AP1G1: variants seen among roughly 807,000 people sequenced by gnomAD.
The protein encoded by AP1G1 is AP-1 complex subunit gamma-1.
A neutral mutation model predicts 108.3 loss-of-function variants in AP1G1; 7 were observed. The observed-to-expected ratio is 0.06, with a 90% CI of 0.04 to 0.12. The LOEUF is 0.12. Among genes scored for constraint, AP1G1 ranks in the 10% least tolerant of loss-of-function variants. AP1G1 has a pLI of 1.00. For missense variants in AP1G1, 756 were observed against 1,010.7 expected (o/e 0.75, Z 3.42); for synonymous variants, 379 against 353.5 (o/e 1.07, Z -0.81).
intron 21 of AP1G1, among the ~76,000 whole-genome samples, chr16:71,738,367 T>C (rs982982754): frequency 5.3e-5 from 8 of 152,084 alleles, no homozygotes; most frequent in African/African-American, 1.9e-4. Flanking sequence ...CCTCAAGATT[T>C]TTCACTATTC....
chr16:71,800,010 C>T (rs2032729196), intron 1 of AP1G1, among the ~76,000 whole-genome samples: 1 of 150,840 alleles, frequency 6.6e-6, no homozygotes, highest in Admixed American at 6.6e-5. Context: ...TGCTCAAGCC[C>T]AGGAGTTCGA....
At chr16:71,754,206 A>G (rs1448628186) in intron 12 of AP1G1, among the ~76,000 whole-genome samples, 1 of 151,830 alleles carries the variant, frequency 6.6e-6, no homozygotes, top group African/African-American at 2.4e-5. Context: ...GAGAAAAGAA[A>G]GAGAAGAAAC....
rs2045462338 is a variant in AP1G1 at position 71,729,922 on chromosome 16, C to G, written c.*3136G>C. 6.6e-6 allele frequency: 1 copy of G among 152,502 alleles called. No individual in the cohort carries two copies. The highest frequency in any genetic ancestry group is 1.5e-5 in the Non-Finnish European group (1 of 68,026). 9.4% of individuals were successfully genotyped at this position (152,502 alleles called of 1,614,324 possible). A position where few individuals can be genotyped will look rare whatever the true frequency, so the allele number is the denominator to read the frequency against. ...AATGCAGAAGATAATGAAGTTGAAC[C>G]TTGAAAGCAGTACTCCCTAACTTCC... On this transcript the variant is annotated 3_prime_UTR_variant, in exon 23 of 23. Transcript: ENST00000299980.
chr16:71,795,070 C>G (rs571312196), intron 1 of AP1G1, among the ~76,000 whole-genome samples: 1 of 152,120 alleles, frequency 6.6e-6, no homozygotes, highest in African/African-American at 2.4e-5. Flanking sequence ...TGCTCACCAA[C>G]AGCTATGGAA....
chr16:71,777,926 G>C, intron 2 of AP1G1: 2 of 180,212 alleles, frequency 1.1e-5, no homozygotes, highest in Non-Finnish European at 2.4e-5. Context: ...CCAGAACCTG[G>C]CATTGTGACA....
chr16:71,738,879 A>AT, intron 21 of AP1G1, 63 bp downstream of exon 21: 1 of 1,410,292 alleles, frequency 7.1e-7, no homozygotes, highest in Non-Finnish European at 9.7e-7. Context: ...TACCAAACAC[A>AT]TGAAAAAAAA....
At chr16:71,759,284 C>A (rs934684753) in intron 10 of AP1G1, among the ~76,000 whole-genome samples, 1 of 151,566 alleles carries the variant, frequency 6.6e-6, no homozygotes, top group Non-Finnish European at 1.5e-5. Flanking sequence ...ATGGTGAAAC[C>A]CTATCTCTAA....
rs117622055 is a variant in AP1G1, at chr16:71,788,765, A to C, written c.201+514T>G. ...GCCTCAAAACTCCTGGGGCACAAGC[A>C]ATCCTCTTGACTTAGCTTCCTGAGT... On this transcript the variant is annotated intron_variant, in intron 2 of 22. Transcript: ENST00000299980. Among the ~76,000 whole-genome samples, 140 of 151,984 alleles carry C rather than the reference A, an allele frequency of 9.2e-4. 3 individuals are homozygous for C. In the East Asian group the frequency reaches 0.026, roughly 28 times the overall value.
chr16:71,800,877 C>T (rs1413423369), intron 1 of AP1G1, among the ~76,000 whole-genome samples: 3 of 151,866 alleles, frequency 2.0e-5, no homozygotes, highest in Admixed American at 1.3e-4. Context: ...TGTCTGTAAT[C>T]CCAACTACTC....
intron 12 of AP1G1, among the ~76,000 whole-genome samples, chr16:71,754,374 A>G (rs1309455991): frequency 6.6e-6 from 1 of 152,048 alleles, no homozygotes; most frequent in Non-Finnish European, 1.5e-5. Flanking sequence ...GGAAAGGAAA[A>G]GAAAGGAAAA....
chr16:71,802,547 T>G (rs1212554248), intron 1 of AP1G1, among the ~76,000 whole-genome samples: 1 of 151,988 alleles, frequency 6.6e-6, no homozygotes, highest in Non-Finnish European at 1.5e-5. Context: ...CTGTCCAACA[T>G]GGTGAAACCC....
intron 1 of AP1G1, chr16:71,808,551 C>A: frequency 7.8e-7 from 1 of 1,288,040 alleles, no homozygotes; most frequent in Non-Finnish European, 1.0e-6. Context: ...CGCGGAACCT[C>A]CCGGTCCGAG....
At chr16:71,753,412 C>T (rs977916881) in intron 13 of AP1G1, among the ~76,000 whole-genome samples, 3 of 152,186 alleles carry the variant, frequency 2.0e-5, no homozygotes, top group African/African-American at 7.2e-5. Context: ...CATTCTCTGC[C>T]TCTCTCACTT....
At chr16:71,805,204 T>C (rs546259772) in intron 1 of AP1G1, among the ~76,000 whole-genome samples, 2 of 152,234 alleles carry the variant, frequency 1.3e-5, no homozygotes, top group African/African-American at 4.8e-5. Context: ...TCCCAGCACT[T>C]TGGGAGGCCA....
chr16:71,806,688 A>C, intron 1 of AP1G1: 1 of 1,287,150 alleles, frequency 7.8e-7, no homozygotes, highest in Non-Finnish European at 1.0e-6. Context: ...ATACTTACTA[A>C]ATGAGTGAGC....
intron 1 of AP1G1, among the ~76,000 whole-genome samples, chr16:71,807,100 T>G (rs1452560521): frequency 6.6e-6 from 1 of 152,190 alleles, no homozygotes; most frequent in Non-Finnish European, 1.5e-5. Context: ...TCGCCTAACT[T>G]GAAACGTAGG....
rs187722633 is a variant in AP1G1, at chr16:71,744,426, G to A, written c.1999+718C>T. Reference sequence around the variant, plus strand: ...AGAAAGTGTGAAAGGGAAGAGGTAAGTAGCAGGTTAACATCTCTCCACAAA... The same window carrying A: ...AGAAAGTGTGAAAGGGAAGAGGTAAATAGCAGGTTAACATCTCTCCACAAA... On this transcript the variant is annotated intron_variant, in intron 19 of 22. Transcript: ENST00000299980. 6.1e-3 allele frequency among the ~76,000 whole-genome samples: 936 copies of A among 152,252 alleles called. 5 individuals carry two copies. The highest frequency in any genetic ancestry group is 0.014 in the Middle Eastern group (4 of 294).
At chr16:71,808,607 C>T (rs2033082663) in intron 1 of AP1G1, 156 bp downstream of exon 1, 1 of 1,289,502 alleles carries the variant, frequency 7.8e-7, no homozygotes, top group African/African-American at 1.5e-5. Flanking sequence ...CCTGGGGCTC[C>T]CGGCCTCTCC....
At chr16:71,760,349 C>A (rs1246443514) in intron 10 of AP1G1, among the ~76,000 whole-genome samples, 2 of 151,476 alleles carry the variant, frequency 1.3e-5, no homozygotes, top group Admixed American at 6.6e-5. Context: ...TAAAGACCAG[C>A]CCAGCCAACA....
Sources: allele counts gnomAD v4.1 joint callset (sites outside exome capture counted in the v4.1 genomes callset), GRCh38; gene constraint gnomAD v4.1.1; transcripts MANE v1.5; gene names NCBI Gene and HGNC (gene_info 2026-07-23, HGNC 2026-07-21).